Variants in COL4A1 observed in about 807,000 individuals in gnomAD.
COL4A1 encodes collagen type IV alpha 1 chain.
COL4A1 carries 40 observed loss-of-function variants against 216.6 expected under a neutral mutation model. The observed-to-expected ratio is 0.18, with a 90% CI of 0.14 to 0.24. The LOEUF (loss-of-function observed/expected upper bound fraction) is 0.24. COL4A1 is among the 10% of genes least tolerant of loss of function. The pLI, the probability that COL4A1 is intolerant of heterozygous loss-of-function variation, is 1.00. For missense variants in COL4A1, 1,628 were observed against 2,196.8 expected (o/e 0.74, Z 5.18); for synonymous variants, 839 against 810.7 (o/e 1.03, Z -0.59).
At chr13:110,166,676 C>T (rs923513665) in intron 44 of COL4A1, among the ~76,000 whole-genome samples, 1 of 152,148 alleles carries the variant, frequency 6.6e-6, no homozygotes, top group Non-Finnish European at 1.5e-5. Context: ...AAGCATGCAG[C>T]CAACTGTAAA....
intron 2 of COL4A1, among the ~76,000 whole-genome samples, chr13:110,230,698 A>G (rs1229899675): frequency 6.6e-6 from 1 of 152,178 alleles, no homozygotes; most frequent in Non-Finnish European, 1.5e-5. Context: ...TGCCCCAGTC[A>G]CGCCAGCGTG....
At chr13:110,193,369 A>G (rs1878732092) in intron 22 of COL4A1, among the ~76,000 whole-genome samples, 1 of 152,198 alleles carries the variant, frequency 6.6e-6, no homozygotes, top group African/African-American at 2.4e-5. Context: ...TGGGAATAAG[A>G]AGCCACAAAA....
chr13:110,202,112 G>C (rs1879279207), intron 18 of COL4A1, among the ~76,000 whole-genome samples: 1 of 152,084 alleles, frequency 6.6e-6, no homozygotes, highest in African/African-American at 2.4e-5. Context: ...AGCAGCTTTT[G>C]TAACACTCCA....
chr13:110,249,472 G>A (rs1881982733), intron 1 of COL4A1, among the ~76,000 whole-genome samples: 1 of 152,136 alleles, frequency 6.6e-6, no homozygotes, highest in Non-Finnish European at 1.5e-5. Flanking sequence ...ACCAGGGCAG[G>A]CCAGCTACAG....
intron 43 of COL4A1, among the ~76,000 whole-genome samples, chr13:110,169,229 G>A (rs754922869): frequency 2.7e-4 from 41 of 152,138 alleles, no homozygotes; most frequent in Non-Finnish European, 5.4e-4. Flanking sequence ...CTGTCCTCCT[G>A]CCAGTCCTAA....
chr13:110,298,092 A>T (rs1280930249), intron 1 of COL4A1, among the ~76,000 whole-genome samples: 8 of 152,162 alleles, frequency 5.3e-5, no homozygotes, highest in African/African-American at 1.9e-4. Flanking sequence ...AAAAAGAGAA[A>T]ATATCTATGA....
intron 12 of COL4A1, among the ~76,000 whole-genome samples, chr13:110,208,299 C>T (rs1210291294): frequency 6.6e-6 from 1 of 152,242 alleles, no homozygotes; most frequent in African/African-American, 2.4e-5. Context: ...TCCTCCCACA[C>T]CCACTTGGTC....
At chr13:110,255,379 T>G (rs1594094574) in intron 1 of COL4A1, among the ~76,000 whole-genome samples, 1 of 149,720 alleles carries the variant, frequency 6.7e-6, no homozygotes, top group African/African-American at 2.5e-5. Flanking sequence ...TCCTTGCCCT[T>G]GGGGATGGGA....
chr13:110,155,463 G>A, intron 49 of COL4A1, 66 bp from the exon 50 acceptor site: 4 of 1,009,970 alleles, frequency 4.0e-6, no homozygotes. Flanking sequence ...TCCATGCACT[G>A]CCCCGTTACC....
chr13:110,222,015 G>C (rs1296545518), intron 2 of COL4A1, among the ~76,000 whole-genome samples: 1 of 152,152 alleles, frequency 6.6e-6, no homozygotes, highest in East Asian at 1.9e-4. Flanking sequence ...CTGGCTCCGG[G>C]CTCCATCAAC....
At chr13:110,271,832 T>C (rs1883256117) in intron 1 of COL4A1, among the ~76,000 whole-genome samples, 1 of 152,226 alleles carries the variant, frequency 6.6e-6, no homozygotes, top group African/African-American at 2.4e-5. Flanking sequence ...TGTAAGACAT[T>C]AACATTTGGG....
intron 2 of COL4A1, among the ~76,000 whole-genome samples, chr13:110,232,597 A>G (rs1881113118): frequency 6.6e-6 from 1 of 152,228 alleles, no homozygotes; most frequent in Non-Finnish European, 1.5e-5. Context: ...TTTTCCTGCC[A>G]GCCAATGTTT....
At chr13:110,243,777 C>T (rs2139247219) in intron 1 of COL4A1, among the ~76,000 whole-genome samples, 1 of 152,350 alleles carries the variant, frequency 6.6e-6, no homozygotes, top group South Asian at 2.1e-4. Context: ...TCATAACAAG[C>T]ATTTCAAGAT....
rs775544336 is a variant in COL4A1, at chr13:110,155,326, G to A, written c.4712C>T (p.Pro1571Leu). The A allele has an allele frequency of 6.2e-7, 1 of 1,614,160 alleles. No homozygotes were observed. Residue 1571 changes from proline to leucine, a missense_variant, in exon 50 of 52, where the codon CCC (proline) becomes CTC (leucine). Coordinates refer to ENST00000375820, the MANE Select transcript of COL4A1 (RefSeq NM_001845.6). ...HSQTIQIPPC[P>L]SGWSSLWIGY... ...GATCCACAGCGAGGACCACCCGCTG[G>A]GGCACGGTGGGATCTGAATGGTCTG... is the stretch of plus-strand genomic sequence containing the variant.
intron 2 of COL4A1, among the ~76,000 whole-genome samples, chr13:110,221,910 G>A (rs918068498): frequency 2.6e-5 from 4 of 152,190 alleles, no homozygotes; most frequent in African/African-American, 9.7e-5. Flanking sequence ...GTGTGCCTGC[G>A]CTCAGGCAGC....
rs187078915 is a variant in COL4A1 at position 110,175,157 on chromosome 13, C to A, written c.3198+61G>T. On this transcript the variant is annotated intron_variant, in intron 37 of 51. Transcript: ENST00000375820. Reference sequence around the variant, plus strand: ...GTGCTGAGATATTTGCTGAGCATTTCTCAGGCAGCATCTCCACTGAGCTGG... The same window carrying A: ...GTGCTGAGATATTTGCTGAGCATTTATCAGGCAGCATCTCCACTGAGCTGG... 158 of 1,601,926 alleles carry A rather than the reference C, an allele frequency of 9.9e-5. No homozygotes were observed. The African/African-American group carries it at 1.8e-3, about 18-fold the overall frequency.
intron 29 of COL4A1, among the ~76,000 whole-genome samples, chr13:110,180,963 G>T (rs1450591904): frequency 6.6e-6 from 1 of 152,210 alleles, no homozygotes; most frequent in Non-Finnish European, 1.5e-5. Context: ...TTTCTTTCAG[G>T]ACAGTGGCTT....
intron 26 of COL4A1, among the ~76,000 whole-genome samples, chr13:110,185,282 A>AC: frequency 6.6e-6 from 1 of 152,192 alleles, no homozygotes; most frequent in East Asian, 1.9e-4. Flanking sequence ...AGTAGCTGGG[A>AC]CTATAGGTGC....
chr13:110,203,740 A>C, intron 17 of COL4A1, 133 bp from the exon 18 acceptor site: 1 of 882,622 alleles, frequency 1.1e-6, no homozygotes, highest in South Asian at 1.4e-5. Context: ...TCTCTTTAAT[A>C]TCTCTCATTC....
Sources: gnomAD v4.1 joint callset for allele counts (sites outside exome capture counted in the v4.1 genomes callset) on GRCh38, gnomAD v4.1.1 for gene constraint, MANE v1.5 for transcripts, NCBI Gene and HGNC (gene_info 2026-07-23, HGNC 2026-07-21) for gene names.